Variants in PCYT1B observed in about 807,000 individuals in gnomAD.
The protein encoded by PCYT1B is choline-phosphate cytidylyltransferase B.
In PCYT1B, 10 loss-of-function variants were observed where a neutral mutation model predicts 26.4. The observed-to-expected ratio is 0.38, with a 90% confidence interval of 0.23 to 0.64. The LOEUF (loss-of-function observed/expected upper bound fraction) is 0.64. Among genes scored for constraint, PCYT1B ranks in the 30% least tolerant of loss-of-function variants. PCYT1B has a pLI of 0.56. For synonymous variants in PCYT1B, 131 were observed against 108.4 expected, an observed-to-expected ratio of 1.21 and a Z score of -1.29; for missense variants, 161 against 292.7, an observed-to-expected ratio of 0.55 and a Z score of 3.28.
Position 24,566,139 on chromosome X carries a change from C to G in PCYT1B, c.898-3634G>C, listed in dbSNP as rs773352562. On this transcript the variant is annotated intron_variant, in intron 7 of 7. Transcript: ENST00000379144. The stretch of plus-strand genomic sequence containing the variant: ...TGTTACTGCTGGTAAGAGGATAAAA[C>G]AGCAATGCCTTTCTGATGGGGAATT... Among the ~76,000 whole-genome samples the G allele has an allele frequency of 8.0e-5, 9 of 112,274 alleles. No individual in the cohort carries two copies. In the East Asian group the frequency reaches 1.7e-3, roughly 21 times the overall value.
Position 24,561,968 on chromosome X carries a change from G to T in PCYT1B, c.*325C>A. On this transcript the variant is annotated 3_prime_UTR_variant, in exon 8 of 8. Transcript: ENST00000379144. The stretch of plus-strand genomic sequence containing the variant: ...ACAGGTGGTTTACTTGGTGGGGGTG[G>T]TGGAAGGACCAAAGCAGAAGTCACC... 1.4e-6 allele frequency: 1 copy of T among 694,354 alleles called. No individual in the cohort carries two copies. Among genetic ancestry groups the T allele is most frequent in the Non-Finnish European group, 2.2e-6 (1 of 447,987 alleles). The allele number at this position is 694,354 out of a possible 1,213,427, so 57.2% of individuals were successfully genotyped here. A position where few individuals can be genotyped will look rare whatever the true frequency, so the allele number is the denominator to read the frequency against.
chrX:24,581,486 T>C (rs1376893217), intron 5 of PCYT1B, among the ~76,000 whole-genome samples: 1 of 112,084 alleles, frequency 8.9e-6, no homozygotes, highest in Non-Finnish European at 1.9e-5. Context: ...CCTGGTTAAC[T>C]CCTGGGCATC....
At chrX:24,670,113 A>G (rs1795760) in intron 1 of PCYT1B, among the ~76,000 whole-genome samples, 4,934 of 22,542 alleles carry the variant, frequency 0.22, 781 homozygotes, top group African/African-American at 0.28. Context: ...AGAAAGAAAG[A>G]AAGGAAGGAA....
chrX:24,578,126 G>A (rs1452411807), intron 6 of PCYT1B, among the ~76,000 whole-genome samples: 2 of 111,118 alleles, frequency 1.8e-5, no homozygotes, highest in Non-Finnish European at 3.8e-5. Flanking sequence ...AAGAAAATGT[G>A]GCACATATAC....
intron 3 of PCYT1B, among the ~76,000 whole-genome samples, chrX:24,600,729 T>C (rs1005357101): frequency 1.8e-5 from 2 of 111,469 alleles, no homozygotes; most frequent in Non-Finnish European, 3.8e-5. Context: ...ACTGACACTA[T>C]CTGACTTCAA....
chrX:24,651,395 C>T (rs1239303808), upstream of PCYT1B, among the ~76,000 whole-genome samples: 2 of 87,939 alleles, frequency 2.3e-5, no homozygotes, highest in African/African-American at 8.6e-5. Flanking sequence ...GCGGAGGTTG[C>T]AGTGAGCCGA....
At position 24,606,115 on chromosome X, in the gene PCYT1B, T is replaced by C. The variant is rs140595118; in HGVS notation, c.334+1630A>G. On this transcript the variant is annotated intron_variant, in intron 3 of 7. Coordinates refer to ENST00000379144, the MANE Select transcript of PCYT1B (RefSeq NM_004845.5). ...AGAAATCAGTGAGTCAGTGAAACCATTGTTGCCTAATGACCTAGAGAGCTG... is the reference window on the plus strand; with the variant it reads ...AGAAATCAGTGAGTCAGTGAAACCACTGTTGCCTAATGACCTAGAGAGCTG... Among the ~76,000 whole-genome samples, 567 of 107,865 alleles carry C rather than the reference T, an allele frequency of 5.3e-3. 2 individuals are homozygous for C. The highest frequency in any genetic ancestry group is 9.0e-3 in the Non-Finnish European group (470 of 52,137). 93.7% of individuals were successfully genotyped at this position (107,865 alleles called of 115,157 possible).
chrX:24,583,875 T>A (rs1924282317), intron 5 of PCYT1B, among the ~76,000 whole-genome samples: 1 of 112,069 alleles, frequency 8.9e-6, no homozygotes, highest in South Asian at 3.7e-4. Context: ...AATGGGAATC[T>A]CTGGCCCCAC....
intron 3 of PCYT1B, among the ~76,000 whole-genome samples, chrX:24,600,685 A>G (rs776077981): frequency 2.7e-5 from 3 of 111,770 alleles, no homozygotes; most frequent in Non-Finnish European, 5.6e-5. Context: ...CAGAAAAACC[A>G]AATTGATATT....
chrX:24,573,888 C>T (rs1923934963), intron 7 of PCYT1B, among the ~76,000 whole-genome samples: 1 of 111,057 alleles, frequency 9.0e-6, no homozygotes, highest in Non-Finnish European at 1.9e-5. Context: ...TCATGCAGTC[C>T]TTGTAAACCT....
chrX:24,580,510 G>A (rs376756683), intron 5 of PCYT1B, among the ~76,000 whole-genome samples: 1 of 112,127 alleles, frequency 8.9e-6, no homozygotes, highest in Non-Finnish European at 1.9e-5. Context: ...GTACATGGTA[G>A]TTTCACCACT....
chrX:24,580,852 C>A lies in PCYT1B; in HGVS notation c.566-1394G>T, dbSNP rs186279066. The stretch of plus-strand genomic sequence containing the variant: ...TGGGTTCTTGGTTTGTAGACGTGGG[C>A]AAGTCACTCAAACCCTCTGAAGGCG... On this transcript the variant is annotated intron_variant, in intron 5 of 7. Transcript: ENST00000379144. Among the ~76,000 whole-genome samples, 123 of 111,346 alleles carry A rather than the reference C, an allele frequency of 1.1e-3. 2 individuals carry two copies. The South Asian group carries it at 0.04, about 36-fold the overall frequency.
intron 1 of PCYT1B, among the ~76,000 whole-genome samples, chrX:24,619,772 C>A (rs1329171372): frequency 8.9e-6 from 1 of 112,732 alleles, no homozygotes; most frequent in Non-Finnish European, 1.9e-5. Flanking sequence ...TCAACAGCGA[C>A]TAGCGGCTAG....
chrX:24,600,923 T>G (rs1470783705), intron 3 of PCYT1B, among the ~76,000 whole-genome samples: 1 of 80,271 alleles, frequency 1.2e-5, no homozygotes, highest in East Asian at 5.9e-4. Context: ...CAAATGGACA[T>G]TCACATGCAA....
At chrX:24,646,684 T>C (rs1445161481) in intron 1 of PCYT1B, among the ~76,000 whole-genome samples, 1 of 110,684 alleles carries the variant, frequency 9.0e-6, no homozygotes, top group Non-Finnish European at 1.9e-5. Context: ...ACTGTAGGAT[T>C]TTTTTACCTT....
At position 24,558,477 on chromosome X, in the gene PCYT1B, C is replaced by A. The variant is rs1923245795; in HGVS notation, c.*3816G>T. 1 of 110,022 alleles carries A rather than the reference C, an allele frequency of 9.1e-6. No homozygotes were observed. Among genetic ancestry groups the A allele is most frequent in the African/African-American group, 3.3e-5 (1 of 30,141 alleles). 9.1% of individuals were successfully genotyped at this position (110,022 alleles called of 1,213,427 possible). On this transcript the variant is annotated 3_prime_UTR_variant, in exon 8 of 8. Coordinates refer to ENST00000379144, the MANE Select transcript of PCYT1B (RefSeq NM_004845.5). ...GGATGCCTAAGAAACAGGCACATCT[C>A]TGCTAGAGACGGGCTCATCTGCTTC...
At chrX:24,629,584 A>C (rs949757710) in intron 1 of PCYT1B, among the ~76,000 whole-genome samples, 1 of 100,617 alleles carries the variant, frequency 9.9e-6, no homozygotes, top group Admixed American at 1.1e-4. Context: ...AAAAAAAAAA[A>C]AAAAAACAAC....
chrX:24,579,523 T>C (rs1055767555), intron 5 of PCYT1B, 65 bp from the exon 6 acceptor site: 3 of 1,057,510 alleles, frequency 2.8e-6, no homozygotes, highest in African/African-American at 3.6e-5. Flanking sequence ...CCATCTCCTT[T>C]AATGGTCCCC....
chrX:24,584,981 C>CTGAGT (rs1298565116), intron 5 of PCYT1B, among the ~76,000 whole-genome samples: 4 of 111,881 alleles, frequency 3.6e-5, no homozygotes, highest in African/African-American at 1.3e-4. Flanking sequence ...GAACCAGAGG[C>CTGAGT]TGAGTAGACT....
Sources: allele counts gnomAD v4.1 joint callset (sites outside exome capture counted in the v4.1 genomes callset), GRCh38; gene constraint gnomAD v4.1.1; transcripts MANE v1.5; gene names NCBI Gene and HGNC (gene_info 2026-07-23, HGNC 2026-07-21).